Variants in GRIN2B observed in about 807,000 individuals in gnomAD.
The protein encoded by GRIN2B is glutamate ionotropic receptor NMDA type subunit 2B.
Under a neutral mutation model 114.5 loss-of-function variants are expected in GRIN2B, and 5 were observed. That is an observed-to-expected ratio of 0.04 (90% CI 0.02 to 0.09). GRIN2B has a LOEUF of 0.09. Among genes scored for constraint, GRIN2B ranks in the 10% least tolerant of loss-of-function variants. The pLI is 1.00. For missense variants in GRIN2B, 1,108 were observed against 1,943.5 expected, an observed-to-expected ratio of 0.57 and a Z score of 8.08; for synonymous variants, 787 against 745.1, an observed-to-expected ratio of 1.06 and a Z score of -0.92.
chr12:13,921,479 C>T (rs1446174381), intron 2 of GRIN2B, among the ~76,000 whole-genome samples: 1 of 152,136 alleles, frequency 6.6e-6, no homozygotes, highest in African/African-American at 2.4e-5. Flanking sequence ...CAGAAGGCTA[C>T]TTTACCTTGC....
In GRIN2B at chr12:13,548,305, A is replaced by T. The variant is rs996303976; in HGVS notation, c.*14478T>A. ...GTTTAGTGGCTTCAGTCTTGTGCAG[A>T]TATAGATTTTCTTTGTAAGACTTCC... On this transcript the variant is annotated 3_prime_UTR_variant, in exon 14 of 14. Transcript: ENST00000609686. 2.0e-5 allele frequency: 3 copies of T among 151,958 alleles called. No homozygotes were observed. Among genetic ancestry groups the T allele is most frequent in the Non-Finnish European group, 4.4e-5 (3 of 67,984 alleles). 9.4% of individuals were successfully genotyped at this position (151,958 alleles called of 1,614,324 possible).
At chr12:13,567,893 T>C (rs1356328489) in intron 12 of GRIN2B, among the ~76,000 whole-genome samples, 2 of 152,052 alleles carry the variant, frequency 1.3e-5, no homozygotes, top group African/African-American at 4.8e-5. Context: ...ATTCTGTACT[T>C]TATATTATAG....
intron 3 of GRIN2B, among the ~76,000 whole-genome samples, chr12:13,845,759 G>GA (rs1865462241): frequency 6.6e-6 from 1 of 152,140 alleles, no homozygotes; most frequent in South Asian, 2.1e-4. Flanking sequence ...GTGGAGTGGG[G>GA]ATGAAAATAG....
chr12:13,897,990 TAATA>T (rs58807255), intron 2 of GRIN2B, among the ~76,000 whole-genome samples: 7,111 of 144,622 alleles, frequency 0.049, 223 homozygotes, highest in Middle Eastern at 0.085. Flanking sequence ...TAAAGTATAA[TAATA>T]AATAAATAAA....
chr12:13,616,287 C>T (rs761951687), intron 6 of GRIN2B, among the ~76,000 whole-genome samples, 168 bp downstream of exon 6: 6 of 152,094 alleles, frequency 3.9e-5, no homozygotes, highest in African/African-American at 9.7e-5. Flanking sequence ...CTGGACAGAA[C>T]GAGACATCAG....
At chr12:13,669,352 C>A (rs931488217) in intron 5 of GRIN2B, among the ~76,000 whole-genome samples, 1 of 151,558 alleles carries the variant, frequency 6.6e-6, no homozygotes, top group African/African-American at 2.4e-5. Flanking sequence ...TTTTTTCTTT[C>A]CCTTAACAAC....
rs188778830 is a variant in GRIN2B, at chr12:13,717,122, A to C, written c.1010+36195T>G. ...GTGTGTATTCACTCAATCATTACAG[A>C]GACCCTTAAATTTTGGAGTTTATAT... On this transcript the variant is annotated intron_variant, in intron 4 of 13. Transcript: ENST00000609686. Among the ~76,000 whole-genome samples, 38 of 150,590 alleles carry C rather than the reference A, an allele frequency of 2.5e-4. No homozygotes were observed. In the East Asian group the frequency reaches 7.1e-3, roughly 28 times the overall value.
intron 3 of GRIN2B, among the ~76,000 whole-genome samples, chr12:13,833,063 G>A (rs1865183066): frequency 1.3e-5 from 2 of 152,188 alleles, no homozygotes; most frequent in Non-Finnish European, 2.9e-5. Flanking sequence ...ATATACAAAT[G>A]TTCATTGTTA....
At chr12:13,866,692 T>C (rs1412957724) in intron 2 of GRIN2B, among the ~76,000 whole-genome samples, 12 of 152,168 alleles carry the variant, frequency 7.9e-5, no homozygotes, top group Admixed American at 7.9e-4. Context: ...GGGCTATAAG[T>C]ACACAAGCCC....
intron 3 of GRIN2B, among the ~76,000 whole-genome samples, chr12:13,811,751 A>G (rs1484313987): frequency 6.6e-6 from 1 of 152,206 alleles, no homozygotes; most frequent in Non-Finnish European, 1.5e-5. Context: ...AAGCTGTGGG[A>G]TCAGACAACT....
At chr12:13,934,070 T>C (rs1483912660) in intron 2 of GRIN2B, among the ~76,000 whole-genome samples, 1 of 152,240 alleles carries the variant, frequency 6.6e-6, no homozygotes, top group Non-Finnish European at 1.5e-5. Flanking sequence ...TTCTGCTGTT[T>C]TCTGTAGCAT....
At chr12:13,580,687 A>G (rs948407992) in intron 10 of GRIN2B, among the ~76,000 whole-genome samples, 2 of 152,118 alleles carry the variant, frequency 1.3e-5, no homozygotes, top group African/African-American at 4.8e-5. Context: ...TCATTACCCT[A>G]TTTTATATTT....
chr12:13,580,276 T>C (rs1948830081), intron 10 of GRIN2B, among the ~76,000 whole-genome samples: 2 of 152,200 alleles, frequency 1.3e-5, no homozygotes, highest in Admixed American at 6.5e-5. Flanking sequence ...TCTTGGGTAG[T>C]TGGCTTCCCT....
chr12:13,545,428 G>A lies in GRIN2B; in HGVS notation c.*17355C>T, dbSNP rs1229599559. On this transcript the variant is annotated 3_prime_UTR_variant, in exon 14 of 14. Coordinates refer to ENST00000609686, the MANE Select transcript of GRIN2B (RefSeq NM_000834.5). Reference sequence around the variant, plus strand: ...TTCTTATATTCCAGCACCTAGAACAGCCTGGCATGGGTTTCCACTCAATAA... The same window carrying A: ...TTCTTATATTCCAGCACCTAGAACAACCTGGCATGGGTTTCCACTCAATAA... 6.6e-6 allele frequency: 1 copy of A among 152,144 alleles called. No homozygotes were observed. The highest frequency in any genetic ancestry group is 1.5e-5 in the Non-Finnish European group (1 of 68,046). 9.4% of individuals were successfully genotyped at this position (152,144 alleles called of 1,614,324 possible).
At chr12:13,576,176 A>G (rs1948773244) in intron 10 of GRIN2B, among the ~76,000 whole-genome samples, 1 of 152,182 alleles carries the variant, frequency 6.6e-6, no homozygotes, top group Non-Finnish European at 1.5e-5. Context: ...TTATACTGTC[A>G]TTGGAACTTG....
intron 3 of GRIN2B, among the ~76,000 whole-genome samples, chr12:13,844,114 C>G (rs1865430329): frequency 6.6e-6 from 1 of 152,154 alleles, no homozygotes; most frequent in African/African-American, 2.4e-5. Flanking sequence ...TTATTCAGAA[C>G]AGATTTAAGA....
intron 2 of GRIN2B, among the ~76,000 whole-genome samples, chr12:13,877,542 G>A (rs1465788144): frequency 6.6e-6 from 1 of 152,148 alleles, no homozygotes; most frequent in Non-Finnish European, 1.5e-5. Flanking sequence ...CTCTTTAGTT[G>A]TTCTTGCCTT....
chr12:13,628,642 G>A (rs1033504148), intron 5 of GRIN2B, among the ~76,000 whole-genome samples: 1 of 152,212 alleles, frequency 6.6e-6, no homozygotes, highest in Admixed American at 6.5e-5. Context: ...ACATGTAGCT[G>A]GACTAGAGCA....
At chr12:13,848,475 G>A (rs1865504280) in intron 3 of GRIN2B, among the ~76,000 whole-genome samples, 1 of 152,092 alleles carries the variant, frequency 6.6e-6, no homozygotes, top group African/African-American at 2.4e-5. Flanking sequence ...AAAGGCACTG[G>A]AGAATTAGAG....
Sources: gnomAD v4.1 joint callset for allele counts (sites outside exome capture counted in the v4.1 genomes callset) on GRCh38, gnomAD v4.1.1 for gene constraint, MANE v1.5 for transcripts, NCBI Gene and HGNC (gene_info 2026-07-23, HGNC 2026-07-21) for gene names.